The following RPS6KC1 variants were observed in gnomAD, a reference collection of about 807,000 sequenced individuals.
The protein encoded by RPS6KC1 is ribosomal protein S6 kinase C1.
In RPS6KC1, 54 loss-of-function variants were observed where a neutral mutation model predicts 103.8. The observed-to-expected ratio is 0.52, with a 90% CI of 0.42 to 0.65. The LOEUF (loss-of-function observed/expected upper bound fraction) is 0.65. Ranked by LOEUF, RPS6KC1 falls within the 30% of genes least tolerant of loss-of-function variation. The pLI, the probability that RPS6KC1 is intolerant of heterozygous loss-of-function variation, is 0.00. For synonymous variants in RPS6KC1, 439 were observed against 438.7 expected, an observed-to-expected ratio of 1.00 and a Z score of -0.01; for missense variants, 1,151 against 1,253.8, an observed-to-expected ratio of 0.92 and a Z score of 1.24.
intron 6 of RPS6KC1, among the ~76,000 whole-genome samples, chr1:213,145,808 G>A (rs2087691333): frequency 6.6e-6 from 1 of 151,900 alleles, no homozygotes; most frequent in South Asian, 2.1e-4. Flanking sequence ...TGTCAGATAA[G>A]TACATCATGG....
chr1:213,337,682 G>A, the RPS6KC1 span, among the ~76,000 whole-genome samples: 77 of 152,150 alleles, frequency 5.1e-4, no homozygotes, highest in African/African-American at 1.4e-3. Context: ...CAGTTGATTG[G>A]TTCCTGGTAT....
the RPS6KC1 span, among the ~76,000 whole-genome samples, chr1:213,564,846 A>G: frequency 6.6e-6 from 1 of 152,170 alleles, no homozygotes; most frequent in Non-Finnish European, 1.5e-5. Flanking sequence ...CACCGTAATA[A>G]TTTTTGTGTG....
chr1:213,163,825 T>G (rs2090714091), intron 6 of RPS6KC1, among the ~76,000 whole-genome samples: 1 of 152,174 alleles, frequency 6.6e-6, no homozygotes. Flanking sequence ...AGCTCCAGTT[T>G]TCCTGTATGT....
chr1:213,130,930 A>G (rs1286405086), intron 6 of RPS6KC1, among the ~76,000 whole-genome samples: 1 of 151,284 alleles, frequency 6.6e-6, no homozygotes, highest in Non-Finnish European at 1.5e-5. Flanking sequence ...TTTTTTTTTA[A>G]ATTATATTCC....
At chr1:213,743,373 A>C in the RPS6KC1 span, among the ~76,000 whole-genome samples, 1 of 152,224 alleles carries the variant, frequency 6.6e-6, no homozygotes, top group East Asian at 1.9e-4. Context: ...TAGACACTGC[A>C]GAATACTAGA....
chr1:213,536,247 G>A, the RPS6KC1 span, among the ~76,000 whole-genome samples: 1 of 152,120 alleles, frequency 6.6e-6, no homozygotes. Context: ...GCGGGTGGAG[G>A]ATGCTTTTAA....
chr1:213,712,047 G>A, the RPS6KC1 span, among the ~76,000 whole-genome samples: 3 of 152,194 alleles, frequency 2.0e-5, no homozygotes, highest in Admixed American at 6.5e-5. Flanking sequence ...GCGCTGTGCC[G>A]GTACATCCAC....
the RPS6KC1 span, among the ~76,000 whole-genome samples, chr1:213,730,147 C>G: frequency 4.6e-5 from 7 of 152,112 alleles, no homozygotes; most frequent in Non-Finnish European, 8.8e-5. Context: ...TGTATATGTA[C>G]CACATTTTCT....
At chr1:213,365,004 A>G in the RPS6KC1 span, among the ~76,000 whole-genome samples, 4 of 152,168 alleles carry the variant, frequency 2.6e-5, no homozygotes, top group African/African-American at 9.6e-5. Flanking sequence ...GAATGGGCAC[A>G]TAGGATTCAT....
At chr1:213,574,415 A>G in the RPS6KC1 span, among the ~76,000 whole-genome samples, 1 of 152,360 alleles carries the variant, frequency 6.6e-6, no homozygotes, top group East Asian at 1.9e-4. Flanking sequence ...CATCAAAGAA[A>G]TGAATCTCTA....
At chr1:213,275,603 T>G (rs762410838), downstream of RPS6KC1, among the ~76,000 whole-genome samples, 33 of 152,144 alleles carry the variant, frequency 2.2e-4, 1 homozygote, top group Non-Finnish European at 2.2e-4. Flanking sequence ...TGACAAATAA[T>G]AGTTATGTAT....
the RPS6KC1 span, among the ~76,000 whole-genome samples, chr1:213,389,670 T>C: frequency 2.6e-5 from 4 of 152,142 alleles, no homozygotes; most frequent in Non-Finnish European, 5.9e-5. Flanking sequence ...CATCCGTGGC[T>C]CCCTTCCCTT....
chr1:213,755,071 T>G, the RPS6KC1 span, among the ~76,000 whole-genome samples: 3 of 152,176 alleles, frequency 2.0e-5, no homozygotes, highest in Non-Finnish European at 4.4e-5. Context: ...ATAGTCATTA[T>G]TAGGAAGTGC....
At chr1:213,174,886 T>A (rs548797365) in intron 7 of RPS6KC1, among the ~76,000 whole-genome samples, 1 of 152,280 alleles carries the variant, frequency 6.6e-6, no homozygotes, top group African/African-American at 2.4e-5. Context: ...GAAATGTATC[T>A]AAGAAGCATA....
the RPS6KC1 span, among the ~76,000 whole-genome samples, chr1:213,320,113 G>A: frequency 6.6e-6 from 1 of 152,174 alleles, no homozygotes; most frequent in African/African-American, 2.4e-5. Flanking sequence ...CAAGTTCACT[G>A]TATTTTTAAG....
intron 8 of RPS6KC1, among the ~76,000 whole-genome samples, chr1:213,189,311 T>C (rs1011880903): frequency 6.6e-6 from 1 of 151,850 alleles, no homozygotes; most frequent in Admixed American, 6.6e-5. Context: ...TAGCCAGGCG[T>C]GATGATGGGT....
chr1:213,315,763 G>C, the RPS6KC1 span, among the ~76,000 whole-genome samples: 2 of 152,140 alleles, frequency 1.3e-5, no homozygotes, highest in African/African-American at 2.4e-5. Flanking sequence ...ATTAGCCTCA[G>C]TTTTCTTATC....
rs543713917 is a variant in RPS6KC1, at chr1:213,213,104, G to A, written c.1045-17393G>A. On this transcript the variant is annotated intron_variant, in intron 8 of 14. Coordinates refer to ENST00000366960, the MANE Select transcript of RPS6KC1 (RefSeq NM_012424.6). ...CTTATCAATTGTTTCTTTCATACGA[G>A]TGGGTTCTGCCTTTGATATTATCTC... 4.6e-5 allele frequency among the ~76,000 whole-genome samples: 7 copies of A among 152,264 alleles called. No homozygotes were observed. The South Asian group carries it at 1.4e-3, about 32-fold the overall frequency.
the RPS6KC1 span, among the ~76,000 whole-genome samples, chr1:213,767,359 C>G: frequency 6.6e-6 from 1 of 152,076 alleles, no homozygotes; most frequent in East Asian, 1.9e-4. Context: ...CCTCATTATC[C>G]CTTATTTTAC....
Sources: gnomAD v4.1 joint callset for allele counts (sites outside exome capture counted in the v4.1 genomes callset) on GRCh38, gnomAD v4.1.1 for gene constraint, MANE v1.5 for transcripts, NCBI Gene and HGNC (gene_info 2026-07-23, HGNC 2026-07-21) for gene names.